Variants in TAF15 observed in about 807,000 individuals in gnomAD.
The protein encoded by TAF15 is TATA-box binding protein associated factor 15.
TAF15 carries 37 observed loss-of-function variants against 102.5 expected under a neutral mutation model. That is an observed-to-expected ratio of 0.36 (90% CI 0.28 to 0.47). The LOEUF is 0.47. Among genes scored for constraint, TAF15 ranks in the 20% least tolerant of loss-of-function variants. The pLI is 0.99. For synonymous variants in TAF15, 273 were observed against 259.2 expected (o/e 1.05, Z -0.51); for missense variants, 652 against 760.7 (o/e 0.86, Z 1.68).
In TAF15 at chr17:35,838,404, G is replaced by A; in HGVS notation, c.784-20G>A. On this transcript the variant is annotated intron_variant, in intron 10 of 15. Transcript: ENST00000605844. Reference sequence around the variant, plus strand: ...CTTATTTTAAAAATGCTAACACCAAGTGTTTCTGTTTTTCCTCAGACAAAT... The same window carrying A: ...CTTATTTTAAAAATGCTAACACCAAATGTTTCTGTTTTTCCTCAGACAAAT... 1 of 1,613,926 alleles carries A rather than the reference G, an allele frequency of 6.2e-7. No individual in the cohort carries two copies. The highest frequency in any genetic ancestry group is 8.5e-7 in the Non-Finnish European group (1 of 1,179,990).
chr17:35,834,480 C>A, intron 8 of TAF15, 86 bp from the exon 9 acceptor site: 1 of 1,297,796 alleles, frequency 7.7e-7, no homozygotes, highest in South Asian at 1.3e-5. Flanking sequence ...ATTGACTTTT[C>A]ATGCCTTGGT....
In TAF15 at chr17:35,824,086, CGTGAT is replaced by C. The variant is rs1568255501; in HGVS notation, c.498_502del (p.Asp166GlufsTer2). ...TATTTTCTTTTTTGTAGATGACCGTCGTGATGTGAGTAGGTATGGAGAAGATAATA... is the reference window on the plus strand; with the variant it reads ...TATTTTCTTTTTTGTAGATGACCGTCGTGAGTAGGTATGGAGAAGATAATA... On this transcript the variant is annotated frameshift_variant, in exon 7 of 16. Transcript: ENST00000605844. LOFTEE classifies it high-confidence loss of function. The C allele has an allele frequency of 6.2e-7, 1 of 1,613,866 alleles. No homozygotes were observed. The highest frequency in any genetic ancestry group is 1.3e-5 in the African/African-American group (1 of 74,938).
chr17:35,841,910 C>T (rs1179342131), intron 11 of TAF15, among the ~76,000 whole-genome samples: 1 of 152,092 alleles, frequency 6.6e-6, no homozygotes, highest in Non-Finnish European at 1.5e-5. Context: ...GTTCCTCAGG[C>T]TTGTCTCAAA....
intron 7 of TAF15, among the ~76,000 whole-genome samples, chr17:35,826,700 G>A (rs2087333159): frequency 1.3e-5 from 2 of 150,606 alleles, no homozygotes; most frequent in Non-Finnish European, 1.5e-5. Context: ...TGGGACTACA[G>A]GCGTGTGCCA....
chr17:35,840,033 C>T (rs1330335873), intron 11 of TAF15, among the ~76,000 whole-genome samples: 1 of 152,016 alleles, frequency 6.6e-6, no homozygotes, highest in African/African-American at 2.4e-5. Context: ...TGCCCTGTTA[C>T]TCCCGTTTTA....
rs2073627 is a variant in TAF15, at chr17:35,844,435, G to A, written c.1178-42G>A. On this transcript the variant is annotated intron_variant, in intron 14 of 15. Transcript: ENST00000605844. ...CTGACTAGCATTAAGGGGGCTTTACGTTGTTTCTGCTGGCCTCATTGTTTG... is the reference window on the plus strand; with the variant it reads ...CTGACTAGCATTAAGGGGGCTTTACATTGTTTCTGCTGGCCTCATTGTTTG... 144 of 1,613,130 alleles carry A rather than the reference G, an allele frequency of 8.9e-5. No homozygotes were observed. The East Asian group carries it at 2.7e-3, about 30-fold the overall frequency.
At chr17:35,831,831 C>A (rs1246208328) in intron 7 of TAF15, among the ~76,000 whole-genome samples, 1 of 152,140 alleles carries the variant, frequency 6.6e-6, no homozygotes, top group Admixed American at 6.5e-5. Flanking sequence ...ACCTGTAATC[C>A]CAGCACTTTG....
chr17:35,846,768 C>T (rs2143841537), intron 15 of TAF15, 138 bp from the exon 16 acceptor site: 1 of 869,204 alleles, frequency 1.2e-6, no homozygotes, highest in Non-Finnish European at 1.9e-6. Context: ...TCTAGGAGTA[C>T]AGAAATAAAT....
At chr17:35,827,041 A>G (rs1273047731) in intron 7 of TAF15, among the ~76,000 whole-genome samples, 2 of 151,868 alleles carry the variant, frequency 1.3e-5, no homozygotes, top group Non-Finnish European at 2.9e-5. Context: ...AGAATACCCA[A>G]ACATTTTTCA....
chr17:35,844,354 G>A lies in TAF15; in HGVS notation c.1163G>A (p.Arg388His), dbSNP rs140268553. 8.2e-4 allele frequency: 1,328 copies of A among 1,614,038 alleles called. 1 individual carries two copies. The highest frequency in any genetic ancestry group is 1.1e-3 in the Non-Finnish European group (1,269 of 1,180,012). ...QCNEPRPEDS[R>H]PSGGDFRGRG... ...AATGAGCCTAGACCAGAGGACTCTC[G>A]TCCCTCAGGAGGAGGTGGGTCAGCC... The change falls in exon 14 of 16, where the codon CGT becomes CAT. Residue 388 changes from arginine (R) to histidine (H), a missense_variant. Arg to His is a conservative substitution (Grantham distance 29). This residue lies in a region of TAF15 where 368 missense variants were observed against 367.5 expected (regional missense o/e 1.00). Coordinates refer to ENST00000605844, the MANE Select transcript of TAF15 (RefSeq NM_139215.3).
chr17:35,833,825 A>G, intron 7 of TAF15, 82 bp from the exon 8 acceptor site: 2 of 1,417,972 alleles, frequency 1.4e-6, no homozygotes, highest in Non-Finnish European at 2.0e-6. Context: ...TCTACTTGTG[A>G]CAGTTAAGTG....
intron 15 of TAF15, 34 bp downstream of exon 15, chr17:35,845,072 C>T (rs2143836917): frequency 3.1e-6 from 5 of 1,611,792 alleles, no homozygotes; most frequent in Non-Finnish European, 3.4e-6. Flanking sequence ...AACCTTTTTA[C>T]CTCACTGCAC....
At position 35,844,698 on chromosome 17, in the gene TAF15, A is replaced by C. The variant is rs1400873591; in HGVS notation, c.1399A>C (p.Arg467=). 10 of 1,601,016 alleles carry C rather than the reference A, an allele frequency of 6.2e-6. No homozygotes were observed. In the East Asian group the frequency reaches 9.2e-5, roughly 15 times the overall value. The part of the protein sequence containing the change: ...GDRGGGYGGD[R]GGGYGGDRGG... ...CAGAGGCGGCGGCTATGGTGGGGAC[A>C]GAGGAGGCGGCTATGGAGGAGACCG... The change falls in exon 15 of 16, where the codon AGA becomes CGA. Residue 467 remains arginine, a synonymous_variant. Coordinates refer to ENST00000605844, the MANE Select transcript of TAF15 (RefSeq NM_139215.3).
intron 2 of TAF15, among the ~76,000 whole-genome samples, chr17:35,819,155 G>C (rs2087229892): frequency 6.6e-6 from 1 of 152,096 alleles, no homozygotes; most frequent in South Asian, 2.1e-4. Flanking sequence ...TGACTTTTTT[G>C]ATCTTGTAAG....
At chr17:35,842,109 C>A (rs572518753) in intron 11 of TAF15, among the ~76,000 whole-genome samples, 20 of 152,196 alleles carry the variant, frequency 1.3e-4, no homozygotes, top group African/African-American at 4.6e-4. Context: ...GCTACAGACA[C>A]ATACCACTCC....
At chr17:35,833,814 C>T in intron 7 of TAF15, 93 bp from the exon 8 acceptor site, 1 of 1,321,864 alleles carries the variant, frequency 7.6e-7, no homozygotes, top group Non-Finnish European at 1.1e-6. Context: ...TTCCTAAGCA[C>T]TCTACTTGTG....
intron 7 of TAF15, among the ~76,000 whole-genome samples, chr17:35,825,701 C>G (rs2087316678): frequency 6.6e-6 from 1 of 152,126 alleles, no homozygotes; most frequent in Non-Finnish European, 1.5e-5. Context: ...GTAATCCCAG[C>G]ACTTTGGGAG....
intron 11 of TAF15, among the ~76,000 whole-genome samples, chr17:35,839,991 A>G (rs1568276309): frequency 6.6e-6 from 1 of 152,114 alleles, no homozygotes; most frequent in African/African-American, 2.4e-5. Flanking sequence ...CATTAACTCA[A>G]TTTAATCTTC....
chr17:35,829,519 C>G (rs2087372606), intron 7 of TAF15, among the ~76,000 whole-genome samples: 1 of 148,512 alleles, frequency 6.7e-6, no homozygotes. Flanking sequence ...GTAGTCCCAG[C>G]TACTCGGGAG....
Sources: gnomAD v4.1 joint callset for allele counts (sites outside exome capture counted in the v4.1 genomes callset) on GRCh38, gnomAD v4.1.1 for gene constraint, gnomAD v4.1.1 regional missense constraint, MANE v1.5 for transcripts, NCBI Gene and HGNC (gene_info 2026-07-23, HGNC 2026-07-21) for gene names.